The following SLC10A7 variants were observed in gnomAD, a reference collection of about 807,000 sequenced individuals.
SLC10A7 encodes the protein sodium/bile acid cotransporter 7.
In SLC10A7, 29 loss-of-function variants were observed where a neutral mutation model predicts 43.2. The observed-to-expected ratio is 0.67, with a 90% CI of 0.50 to 0.92. SLC10A7 has a LOEUF of 0.92. Ranked by LOEUF, SLC10A7 falls within the 40% of genes least tolerant of loss-of-function variation. The pLI is 0.00. For missense variants in SLC10A7, 295 were observed against 403.2 expected (o/e 0.73, Z 2.30); for synonymous variants, 152 against 144.8 (o/e 1.05, Z -0.35).
At chr4:146,453,051 A>AT (rs1731732911) in intron 4 of SLC10A7, among the ~76,000 whole-genome samples, 1 of 150,362 alleles carries the variant, frequency 6.7e-6, no homozygotes, top group Admixed American at 6.6e-5. Flanking sequence ...ATATATATAT[A>AT]AATATACAAT....
chr4:146,302,876 T>C (rs865925747), intron 7 of SLC10A7, among the ~76,000 whole-genome samples: 1 of 152,186 alleles, frequency 6.6e-6, no homozygotes, highest in Non-Finnish European at 1.5e-5. Context: ...TTTCTAAGTA[T>C]AAAATTAAAA....
At chr4:146,456,994 C>A (rs1349869697) in intron 4 of SLC10A7, among the ~76,000 whole-genome samples, 1 of 151,902 alleles carries the variant, frequency 6.6e-6, no homozygotes, top group Non-Finnish European at 1.5e-5. Context: ...TTAAATTATA[C>A]AACAGGCACA....
chr4:146,381,463 G>A (rs1220104093), intron 5 of SLC10A7, among the ~76,000 whole-genome samples: 1 of 152,020 alleles, frequency 6.6e-6, no homozygotes, highest in Non-Finnish European at 1.5e-5. Context: ...TTACTGTTAT[G>A]GGATGCTTCA....
intron 5 of SLC10A7, among the ~76,000 whole-genome samples, chr4:146,346,491 T>C (rs1318719085): frequency 6.6e-6 from 1 of 152,180 alleles, no homozygotes. Context: ...AGAAATTCTA[T>C]TTTTGAAAAA....
At chr4:146,515,143 A>C (rs1322404911) in intron 2 of SLC10A7, 8 of 702,346 alleles carry the variant, frequency 1.1e-5, no homozygotes, top group South Asian at 8.9e-5. Context: ...AATCGCATTA[A>C]GTAAGAAGCT....
chr4:146,413,198 T>C (rs1380474782), intron 5 of SLC10A7, among the ~76,000 whole-genome samples: 1 of 152,138 alleles, frequency 6.6e-6, no homozygotes, highest in Non-Finnish European at 1.5e-5. Flanking sequence ...TTTTCTCAGA[T>C]AGCCAAAGAT....
At chr4:146,312,268 T>C (rs1044524657) in intron 6 of SLC10A7, among the ~76,000 whole-genome samples, 7 of 152,186 alleles carry the variant, frequency 4.6e-5, no homozygotes, top group South Asian at 4.1e-4. Context: ...GTTTATATGC[T>C]AGCTACTGTT....
intron 5 of SLC10A7, among the ~76,000 whole-genome samples, chr4:146,420,426 A>G (rs1473597458): frequency 6.6e-6 from 1 of 152,184 alleles, no homozygotes; most frequent in Non-Finnish European, 1.5e-5. Context: ...ATAAGTATCT[A>G]AGTAAAAACC....
intron 5 of SLC10A7, among the ~76,000 whole-genome samples, chr4:146,335,388 A>G: frequency 6.6e-6 from 1 of 152,008 alleles, no homozygotes; most frequent in Non-Finnish European, 1.5e-5. Context: ...CAGGTGATGC[A>G]GATGGGCTCG....
At chr4:146,480,139 T>G (rs1734346645) in intron 4 of SLC10A7, among the ~76,000 whole-genome samples, 1 of 152,116 alleles carries the variant, frequency 6.6e-6, no homozygotes, top group South Asian at 2.1e-4. Context: ...ACAACTAGAT[T>G]TTTTATAATA....
chr4:146,470,768 C>T (rs770855066), intron 4 of SLC10A7, among the ~76,000 whole-genome samples: 5 of 152,180 alleles, frequency 3.3e-5, no homozygotes, highest in Non-Finnish European at 7.3e-5. Context: ...AAACTTTCTG[C>T]ATTTGCTGAC....
intron 5 of SLC10A7, among the ~76,000 whole-genome samples, chr4:146,438,888 A>G (rs146054516): frequency 2.7e-4 from 41 of 152,192 alleles, no homozygotes; most frequent in Admixed American, 8.5e-4. Flanking sequence ...CCTTTTGATG[A>G]GGAGCAACAT....
chr4:146,283,183 A>C lies in SLC10A7; in HGVS notation c.847+9T>G. On this transcript the variant is annotated intron_variant, in intron 10 of 11. Coordinates refer to ENST00000335472, the MANE Select transcript of SLC10A7 (RefSeq NM_001029998.6). ...TAATAGGTGGTTTTTAACTCTGTGA[A>C]TCACTTACCCAATGTAAGGGATTTG... 6.2e-7 allele frequency: 1 copy of C among 1,609,616 alleles called. No individual in the cohort carries two copies. Among genetic ancestry groups the C allele is most frequent in the African/African-American group, 1.3e-5 (1 of 74,952 alleles).
Position 146,493,939 on chromosome 4 carries a change from T to A in SLC10A7, c.396+9910A>T, listed in dbSNP as rs187357710. Among the ~76,000 whole-genome samples, 101 of 152,340 alleles carry A rather than the reference T, an allele frequency of 6.6e-4. 1 individual carries two copies. Among genetic ancestry groups the A allele is most frequent in the Non-Finnish European group, 1.8e-4 (12 of 68,034 alleles). ...GTAATATGTATATACAGCAAGCTAT[T>A]GCAAGCACTCGACATACGTTTTTGA... On this transcript the variant is annotated intron_variant, in intron 4 of 11. Coordinates refer to ENST00000335472, the MANE Select transcript of SLC10A7 (RefSeq NM_001029998.6).
chr4:146,460,403 A>G (rs1446215192), intron 4 of SLC10A7, among the ~76,000 whole-genome samples: 1 of 152,048 alleles, frequency 6.6e-6, no homozygotes. Flanking sequence ...ATTTATTTGT[A>G]ATAGCTCAAA....
At chr4:146,346,727 TAAG>T (rs1734648405) in intron 5 of SLC10A7, among the ~76,000 whole-genome samples, 1 of 152,172 alleles carries the variant, frequency 6.6e-6, no homozygotes, top group Admixed American at 6.5e-5. Context: ...ACAGCATGCT[TAAG>T]AATATATCAC....
At chr4:146,379,957 C>G (rs2358335) in intron 5 of SLC10A7, among the ~76,000 whole-genome samples, 101 of 143,856 alleles carry the variant, frequency 7.0e-4, no homozygotes, top group African/African-American at 2.6e-3. Flanking sequence ...CTCTCTCTCT[C>G]TCTGTGTGTG....
At chr4:146,342,184 C>G (rs966537197) in intron 5 of SLC10A7, among the ~76,000 whole-genome samples, 2 of 151,700 alleles carry the variant, frequency 1.3e-5, no homozygotes, top group South Asian at 2.1e-4. Context: ...TCCTGGAGCT[C>G]TTTCCATAAA....
At chr4:146,271,799 C>T (rs371194906) in intron 10 of SLC10A7, among the ~76,000 whole-genome samples, 23 of 152,262 alleles carry the variant, frequency 1.5e-4, no homozygotes, top group African/African-American at 5.5e-4. Context: ...ACATGCCAAG[C>T]GCACTGCTGC....
Sources: allele counts gnomAD v4.1 joint callset (sites outside exome capture counted in the v4.1 genomes callset), GRCh38; gene constraint gnomAD v4.1.1; transcripts MANE v1.5; gene names NCBI Gene and HGNC (gene_info 2026-07-23, HGNC 2026-07-21).